IGF2R: variants seen among roughly 807,000 people sequenced by gnomAD.
IGF2R encodes the protein insulin like growth factor 2 receptor.
Under a neutral mutation model 270.6 loss-of-function variants are expected in IGF2R, and 91 were observed. The observed-to-expected ratio is 0.34, with a 90% CI of 0.28 to 0.40. The LOEUF (loss-of-function observed/expected upper bound fraction) is 0.40, where lower values mean the gene tolerates loss of function less well. Ranked by LOEUF, IGF2R falls within the 10% of genes least tolerant of loss-of-function variation. IGF2R has a pLI of 1.00. For synonymous variants in IGF2R, 1,316 were observed against 1,258.9 expected, an observed-to-expected ratio of 1.05 and a Z score of -0.96; for missense variants, 2,805 against 3,188.3, an observed-to-expected ratio of 0.88 and a Z score of 2.90.
At chr6:160,000,425 C>CA (rs969841090) in intron 2 of IGF2R, among the ~76,000 whole-genome samples, 1 of 152,158 alleles carries the variant, frequency 6.6e-6, no homozygotes, top group African/African-American at 2.4e-5. Flanking sequence ...GATGGTGCTA[C>CA]ACCATTGGAA....
In IGF2R at chr6:160,073,248, A is replaced by G. The variant is rs1442583876; in HGVS notation, c.4726A>G (p.Lys1576Glu). The change falls in exon 34 of 48, where the codon AAG becomes GAG. Residue 1576 changes from lysine to glutamate, a missense_variant. Transcript: ENST00000356956. Reference protein sequence around the residue: ...CFGQTRISVGKANKRLRYVDQ... With the variant: ...CFGQTRISVGEANKRLRYVDQ... The stretch of plus-strand genomic sequence containing the variant: ...TGGACAGACCAGGATTAGCGTGGGC[A>G]AGGCCAACAAGAGGCTGAGATACGT... 1.2e-6 allele frequency: 2 copies of G among 1,614,266 alleles called. No homozygotes were observed. The highest frequency in any genetic ancestry group is 1.7e-6 in the Non-Finnish European group (2 of 1,180,048).
In IGF2R at chr6:160,072,861, A is replaced by G; in HGVS notation, c.4667A>G (p.Asn1556Ser). Residue 1556 changes from asparagine (N) to serine (S), a missense_variant, in exon 33 of 48, where the codon AAT (asparagine) becomes AGT (serine). Coordinates refer to ENST00000356956, the MANE Select transcript of IGF2R (RefSeq NM_000876.4). ...GLVYMSICGE[N>S]ENCPPGVGAC... ...GTTTACATGAGCATCTGTGGGGAGAATGAAAACTGCCCTCCTGGCGTGGGT... is the reference window on the plus strand; with the variant it reads ...GTTTACATGAGCATCTGTGGGGAGAGTGAAAACTGCCCTCCTGGCGTGGGT... The G allele has an allele frequency of 6.2e-7, 1 of 1,613,862 alleles. No homozygotes were observed. Among genetic ancestry groups the G allele is most frequent in the Admixed American group, 1.7e-5 (1 of 59,994 alleles).
intron 12 of IGF2R, among the ~76,000 whole-genome samples, chr6:160,043,690 T>G (rs1444400273): frequency 2.0e-5 from 3 of 152,254 alleles, no homozygotes; most frequent in Non-Finnish European, 4.4e-5. Flanking sequence ...GTAGCCCTAG[T>G]GTAAGAGGGG....
In IGF2R at chr6:160,102,595, G is replaced by T. The variant is rs1180693246; in HGVS notation, c.6919G>T (p.Gly2307Cys). 1 of 1,613,604 alleles carries T rather than the reference G, an allele frequency of 6.2e-7. No homozygotes were observed. Among genetic ancestry groups the T allele is most frequent in the Non-Finnish European group, 8.5e-7 (1 of 1,179,922 alleles). Residue 2307 changes from glycine (G) to cysteine (C), a missense_variant, in exon 46 of 48, where the codon GGC becomes TGC. This residue lies in a region of IGF2R where 1,851 missense variants were observed against 2,207.2 expected (regional missense o/e 0.84). Coordinates refer to ENST00000356956, the MANE Select transcript of IGF2R (RefSeq NM_000876.4). The surrounding 1 kb of genome is among the most constrained non-coding windows in gnomAD (Gnocchi z 4.5). ...GCTGTCAGAACGGAGCCAGGCAGTC[G>T]GCGCGGTGCTCAGCCTGCTGCTGGT... ...KGLSERSQAVGAVLSLLLVAL... is the reference protein window; with the variant it reads ...KGLSERSQAVCAVLSLLLVAL...
chr6:160,088,089 G>T lies in IGF2R; in HGVS notation c.6262G>T (p.Ala2088Ser). The T allele has an allele frequency of 6.2e-7, 1 of 1,613,874 alleles. No individual in the cohort carries two copies. The highest frequency in any genetic ancestry group is 8.5e-7 in the Non-Finnish European group (1 of 1,179,728). ...TTATCCGTGTGGTGGAAATAAGACC[G>T]CATCCTCCGTGATAGAATTGACCTG... ...KGYPCGGNKT[A>S]SSVIELTCTK... Residue 2088 changes from alanine (A) to serine (S), a missense_variant, in exon 42 of 48, where the codon GCA (alanine) becomes TCA (serine). Around this residue, in one of 2 missense-constraint regions of IGF2R, gnomAD observed 1,851 missense variants for 2,207.2 expected, o/e 0.84. Coordinates refer to ENST00000356956, the MANE Select transcript of IGF2R (RefSeq NM_000876.4).
At position 159,999,153 on chromosome 6, in the gene IGF2R, A is replaced by G. The variant is rs954274726; in HGVS notation, c.289+7830A>G. 2.6e-5 allele frequency among the ~76,000 whole-genome samples: 4 copies of G among 152,198 alleles called. No individual in the cohort carries two copies. In the East Asian group the frequency reaches 7.7e-4, roughly 29 times the overall value. On this transcript the variant is annotated intron_variant, in intron 2 of 47. Coordinates refer to ENST00000356956, the MANE Select transcript of IGF2R (RefSeq NM_000876.4). ...ACGAGATGGGATGGATCCCTCTGCC[A>G]TCACCCACTCCAGACCCAGGGATCA...
At position 160,064,476 on chromosome 6, in the gene IGF2R, A is replaced by G; in HGVS notation, c.3962A>G (p.Lys1321Arg). 3.7e-6 allele frequency: 6 copies of G among 1,614,146 alleles called. No individual in the cohort carries two copies. Among genetic ancestry groups the G allele is most frequent in the Non-Finnish European group, 5.1e-6 (6 of 1,180,008 alleles). The change falls in exon 28 of 48, where the codon AAG (lysine) becomes AGG (arginine). Residue 1321 changes from lysine (K) to arginine (R), a missense_variant. Coordinates refer to ENST00000356956, the MANE Select transcript of IGF2R (RefSeq NM_000876.4). ...TTCACGGGGGGGGACACTTGCCATA[A>G]GGTTTATCAGCGCTCCACAGCCATC... ...MNFTGGDTCH[K>R]VYQRSTAIFF... is the part of the protein sequence containing the mutation.
At chr6:160,036,623 T>C (rs1777832232) in intron 10 of IGF2R, among the ~76,000 whole-genome samples, 1 of 152,084 alleles carries the variant, frequency 6.6e-6, no homozygotes, top group South Asian at 2.1e-4. Flanking sequence ...AGAATCATTA[T>C]CCAAAAAGAT....
rs770792024 is a variant in IGF2R, at chr6:160,080,227, A to G, written c.5785A>G (p.Thr1929Ala). 1.9e-6 allele frequency: 3 copies of G among 1,614,070 alleles called. No homozygotes were observed. Among genetic ancestry groups the G allele is most frequent in the Non-Finnish European group, 1.7e-6 (2 of 1,180,038 alleles). ...IESRAKLWCS[T>A]TADYDRDHEW... The stretch of plus-strand genomic sequence containing the variant: ...GAGCAGGGCGAAGCTGTGGTGTAGC[A>G]CAACTGCGGACTACGACAGAGACCA... Residue 1929 changes from threonine to alanine, a missense_variant, in exon 39 of 48, where the codon ACA (threonine) becomes GCA (alanine). Thr to Ala is a moderately conservative substitution (Grantham distance 58, BLOSUM62 0). Coordinates refer to ENST00000356956, the MANE Select transcript of IGF2R (RefSeq NM_000876.4).
At chr6:160,038,512 A>G (rs1777873285) in intron 10 of IGF2R, among the ~76,000 whole-genome samples, 1 of 152,252 alleles carries the variant, frequency 6.6e-6, no homozygotes, top group East Asian at 1.9e-4. Flanking sequence ...GACGATTTGT[A>G]GTAGTATTTA....
At chr6:160,062,423 C>A in intron 25 of IGF2R, 109 bp from the exon 26 acceptor site, 2 of 779,738 alleles carry the variant, frequency 2.6e-6, no homozygotes, top group Non-Finnish European at 4.5e-6. Context: ...CCACCCGTCT[C>A]GGCCTCCCAA....
At chr6:160,065,814 G>GTATATATATATATATATA (rs59035193) in intron 29 of IGF2R, among the ~76,000 whole-genome samples, 44 of 78,348 alleles carry the variant, frequency 5.6e-4, no homozygotes, top group Admixed American at 1.3e-3. Flanking sequence ...GTGTGTGTGT[G>GTATATATATATATATATA]TATATATATA....
At chr6:160,021,332 C>T (rs1050599074) in intron 4 of IGF2R, among the ~76,000 whole-genome samples, 2 of 151,072 alleles carry the variant, frequency 1.3e-5, no homozygotes, top group African/African-American at 4.9e-5. Context: ...TCTCAGCAAA[C>T]TGTCGCAAGG....
chr6:160,092,984 C>T (rs1583303608), intron 44 of IGF2R: 1 of 152,404 alleles, frequency 6.6e-6, no homozygotes, highest in East Asian at 1.9e-4. Flanking sequence ...TCAGATTTAC[C>T]CTTTCACCAT....
intron 30 of IGF2R, 37 bp from the exon 31 acceptor site, chr6:160,069,831 C>T: frequency 6.3e-7 from 1 of 1,599,898 alleles, no homozygotes; most frequent in Non-Finnish European, 8.6e-7. Flanking sequence ...CCTGGGGAGT[C>T]ACTAAAGGCA....
intron 4 of IGF2R, among the ~76,000 whole-genome samples, chr6:160,015,367 T>G (rs771456698): frequency 6.6e-6 from 1 of 152,246 alleles, no homozygotes; most frequent in Non-Finnish European, 1.5e-5. Context: ...ACAGGAATGT[T>G]TCACATAGTC....
chr6:160,024,389 T>C (rs1777507180), intron 4 of IGF2R, among the ~76,000 whole-genome samples, 183 bp from the exon 5 acceptor site: 4 of 152,054 alleles, frequency 2.6e-5, no homozygotes. Flanking sequence ...AGAGAAGAGA[T>C]ACCGAAAAGA....
Position 160,085,055 on chromosome 6 carries a change from C to T in IGF2R, c.6129C>T (p.Ala2043=). 1 of 1,613,996 alleles carries T rather than the reference C, an allele frequency of 6.2e-7. No individual in the cohort carries two copies. Among genetic ancestry groups the T allele is most frequent in the South Asian group, 1.1e-5 (1 of 91,068 alleles). The change falls in exon 41 of 48, where the codon GCC becomes GCT. Residue 2043 remains alanine (A), a synonymous_variant. Transcript: ENST00000356956. ...GGCCCCTGGGCTGCTCTGAAAGGGC[C>T]AGCATTTGCAGAAGGACCACAACTG... ...YKGPLGCSER[A]SICRRTTTGD...
At chr6:160,101,805 C>T (rs1779490746) in intron 45 of IGF2R, among the ~76,000 whole-genome samples, 1 of 152,222 alleles carries the variant, frequency 6.6e-6, no homozygotes, top group South Asian at 2.1e-4. Flanking sequence ...CTATTATTGT[C>T]CCAACTCTGC....
Sources: allele counts gnomAD v4.1 joint callset (sites outside exome capture counted in the v4.1 genomes callset), GRCh38; gene constraint gnomAD v4.1.1; regional missense constraint gnomAD v4.1.1; non-coding constraint Gnocchi (gnomAD v3.1); transcripts MANE v1.5; gene names NCBI Gene and HGNC (gene_info 2026-07-23, HGNC 2026-07-21).